HDAC9: variants seen among roughly 807,000 people sequenced by gnomAD.
HDAC9 encodes MEF-2 interacting transcription repressor (MITR) protein.
A neutral mutation model predicts 139.4 loss-of-function variants in HDAC9; 41 were observed. The ratio of observed to expected loss-of-function variants is 0.29; its 90% CI spans 0.23 to 0.38. The LOEUF (loss-of-function observed/expected upper bound fraction) is 0.38, where lower values mean the gene tolerates loss of function less well. HDAC9 is among the 10% of genes least tolerant of loss of function. The pLI is 1.00. For missense variants in HDAC9, 1,147 were observed against 1,297.0 expected (o/e 0.88, Z 1.78); for synonymous variants, 517 against 476.2 (o/e 1.09, Z -1.12).
intron 13 of HDAC9, among the ~76,000 whole-genome samples, chr7:18,745,588 G>A (rs1368999154): frequency 2.3e-5 from 3 of 129,500 alleles, no homozygotes; most frequent in East Asian, 4.8e-4. Context: ...CGCCCAGGCC[G>A]GACTGCGGAC....
chr7:18,857,335 T>TTGTGTATGTGTGTG (rs1797760332), intron 21 of HDAC9, among the ~76,000 whole-genome samples: 1 of 140,892 alleles, frequency 7.1e-6, no homozygotes, highest in African/African-American at 2.7e-5. Context: ...TATGTTTTAG[T>TTGTGTATGTGTGTG]TGTGTGTGTG....
intron 1 of HDAC9, among the ~76,000 whole-genome samples, chr7:18,387,683 T>TAAAAG (rs1786066842): frequency 6.6e-6 from 1 of 152,250 alleles, no homozygotes; most frequent in Admixed American, 6.5e-5. Flanking sequence ...CAGTATGTAC[T>TAAAAG]TTTAAAAACC....
intron 7 of HDAC9, 36 bp from the exon 8 acceptor site, chr7:18,634,591 C>G: frequency 7.6e-7 from 1 of 1,307,380 alleles, no homozygotes; most frequent in Non-Finnish European, 1.1e-6. Flanking sequence ...ATGTATGTTC[C>G]TCATGAACAC....
intron 1 of HDAC9, among the ~76,000 whole-genome samples, chr7:18,487,549 T>A (rs1232679842): frequency 6.6e-6 from 1 of 152,044 alleles, no homozygotes; most frequent in Non-Finnish European, 1.5e-5. Flanking sequence ...CCATAGGATG[T>A]ATAATATAAA....
intron 22 of HDAC9, among the ~76,000 whole-genome samples, chr7:18,896,180 A>C (rs571074788): frequency 1.3e-5 from 2 of 152,188 alleles, no homozygotes; most frequent in Non-Finnish European, 1.5e-5. Flanking sequence ...TTAGAGTCTT[A>C]TTTATGTTTC....
intron 11 of HDAC9, among the ~76,000 whole-genome samples, chr7:18,660,425 G>A (rs930381604): frequency 6.6e-6 from 1 of 152,060 alleles, no homozygotes; most frequent in South Asian, 2.1e-4. Context: ...ACTTTGTTTT[G>A]TAACGTAGGA....
intron 17 of HDAC9, among the ~76,000 whole-genome samples, chr7:18,812,505 A>T (rs1403416773): frequency 1.3e-5 from 2 of 151,874 alleles, no homozygotes; most frequent in East Asian, 3.9e-4. Flanking sequence ...TTTCAATGTC[A>T]TTTTTTTATT....
At chr7:18,718,599 C>T (rs1784892549) in intron 12 of HDAC9, among the ~76,000 whole-genome samples, 1 of 152,168 alleles carries the variant, frequency 6.6e-6, no homozygotes, top group African/African-American at 2.4e-5. Flanking sequence ...GCATGTATCA[C>T]TGTTTCTTTC....
At chr7:18,816,665 A>G (rs375860898) in intron 17 of HDAC9, among the ~76,000 whole-genome samples, 1 of 152,170 alleles carries the variant, frequency 6.6e-6, no homozygotes, top group African/African-American at 2.4e-5. Context: ...GGTCATCTAA[A>G]TCCCCCAATC....
At chr7:18,195,454 A>C (rs1790656861) in intron 2 of HDAC9, among the ~76,000 whole-genome samples, 1 of 152,206 alleles carries the variant, frequency 6.6e-6, no homozygotes, top group African/African-American at 2.4e-5. Context: ...GATAAATAAA[A>C]ACATGAAATA....
At chr7:18,743,663 CAG>C (rs1240415969) in intron 13 of HDAC9, among the ~76,000 whole-genome samples, 1 of 148,676 alleles carries the variant, frequency 6.7e-6, no homozygotes, top group East Asian at 2.0e-4. Context: ...GCCTAGGTGA[CAG>C]AGTGAGAACC....
At chr7:18,858,808 T>C (rs1797878625) in intron 21 of HDAC9, among the ~76,000 whole-genome samples, 2 of 152,160 alleles carry the variant, frequency 1.3e-5, no homozygotes, top group South Asian at 4.1e-4. Flanking sequence ...TGAATAAATA[T>C]TGACAGCAGT....
At chr7:18,803,492 T>A (rs1483852363) in intron 17 of HDAC9, among the ~76,000 whole-genome samples, 1 of 152,168 alleles carries the variant, frequency 6.6e-6, no homozygotes, top group African/African-American at 2.4e-5. Context: ...ACTGACGGTT[T>A]CTCAGTTTTT....
intron 2 of HDAC9, among the ~76,000 whole-genome samples, chr7:18,198,867 A>AT (rs202131246): frequency 4.1e-4 from 62 of 150,048 alleles, no homozygotes; most frequent in South Asian, 1.5e-3. Flanking sequence ...AACAACCAAC[A>AT]TTTTTTTTTT....
intron 21 of HDAC9, among the ~76,000 whole-genome samples, chr7:18,853,410 A>G (rs1398388242): frequency 1.3e-5 from 2 of 152,190 alleles, no homozygotes; most frequent in East Asian, 1.9e-4. Flanking sequence ...TTTTAAAGCC[A>G]TTAAGTTCAG....
intron 1 of HDAC9, among the ~76,000 whole-genome samples, chr7:18,361,040 A>T (rs1783736326): frequency 6.6e-5 from 10 of 152,204 alleles, no homozygotes. Flanking sequence ...TAGTTTCAGA[A>T]TGGAATGGTG....
intron 2 of HDAC9, among the ~76,000 whole-genome samples, chr7:18,206,391 A>T (rs557797225): frequency 7.2e-5 from 11 of 152,228 alleles, no homozygotes; most frequent in Admixed American, 3.3e-4. Flanking sequence ...TCTAAACTGT[A>T]TATTATTTAA....
In HDAC9 at chr7:18,906,704, G is replaced by A. The variant is rs188587984; in HGVS notation, c.2804-29105G>A. 1.1e-3 allele frequency among the ~76,000 whole-genome samples: 171 copies of A among 152,202 alleles called. 1 individual carries two copies. The highest frequency in any genetic ancestry group is 3.9e-3 in the African/African-American group (163 of 41,520). Reference sequence around the variant, plus strand: ...GTGACTCTGAAGACCTTGTTTGACGGCCTCCTACAAATAGATTCAACTAAC... The same window carrying A: ...GTGACTCTGAAGACCTTGTTTGACGACCTCCTACAAATAGATTCAACTAAC... On this transcript the variant is annotated intron_variant, in intron 22 of 25. Coordinates refer to ENST00000686413, the MANE Select transcript of HDAC9 (RefSeq NM_178425.4).
intron 2 of HDAC9, among the ~76,000 whole-genome samples, chr7:18,188,969 T>C (rs1171396345): frequency 6.6e-6 from 1 of 152,146 alleles, no homozygotes; most frequent in African/African-American, 2.4e-5. Context: ...GAAATACCAT[T>C]TGACCCAGCA....
Sources: allele counts gnomAD v4.1 joint callset (sites outside exome capture counted in the v4.1 genomes callset), GRCh38; gene constraint gnomAD v4.1.1; transcripts MANE v1.5; gene names NCBI Gene and HGNC (gene_info 2026-07-23, HGNC 2026-07-21).